NFIX: variants seen among roughly 807,000 people sequenced by gnomAD.
NFIX encodes nuclear factor 1 X-type.
Under a neutral mutation model 53.3 loss-of-function variants are expected in NFIX, and 2 were observed. The ratio of observed to expected loss-of-function variants is 0.04; its 90% CI spans 0.02 to 0.12. The LOEUF (loss-of-function observed/expected upper bound fraction) is 0.12, where lower values mean the gene tolerates loss of function less well. NFIX is among the 10% of genes least tolerant of loss of function. The pLI is 1.00. For missense variants in NFIX, 310 were observed against 674.5 expected (o/e 0.46, Z 5.99); for synonymous variants, 244 against 289.0 (o/e 0.84, Z 1.58).
rs1457965088 is a variant in NFIX at position 13,027,767 on chromosome 19, C to T, written c.559+2215C>T. 1.3e-5 allele frequency among the ~76,000 whole-genome samples: 2 copies of T among 152,204 alleles called. No individual in the cohort carries two copies. Among genetic ancestry groups the T allele is most frequent in the South Asian group, 2.1e-4 (1 of 4,828 alleles). ...CTCCCTGCCAGCTTAAGAGATCATT[C>T]GCCCAGGAATATGAGTGAATTCATA... On this transcript the variant is annotated intron_variant, in intron 2 of 10. Transcript: ENST00000592199. This position sits in a 1 kb window ranked among gnomAD's most constrained non-coding sequence, Gnocchi z 4.3.
intron 1 of NFIX, among the ~76,000 whole-genome samples, chr19:13,010,199 G>A (rs747933425): frequency 1.3e-5 from 2 of 152,226 alleles, no homozygotes; most frequent in East Asian, 1.9e-4. Flanking sequence ...CCTGCCGGGC[G>A]GGCGGCCGGC....
intron 5 of NFIX, 57 bp downstream of exon 5, chr19:13,074,083 CG>C: frequency 1.2e-6 from 2 of 1,605,488 alleles, no homozygotes; most frequent in South Asian, 1.1e-5. Flanking sequence ...GGGCCAGGGC[CG>C]TCCCAGTGGC....
At chr19:13,055,147 C>A (rs920369377) in intron 2 of NFIX, among the ~76,000 whole-genome samples, 2 of 151,982 alleles carry the variant, frequency 1.3e-5, no homozygotes, top group African/African-American at 4.8e-5. Context: ...GGCTGTCACC[C>A]CAAGAAAGCT....
chr19:13,032,423 G>A (rs78544495), intron 2 of NFIX, among the ~76,000 whole-genome samples: 4,192 of 152,312 alleles, frequency 0.028, 70 homozygotes, highest in Middle Eastern at 0.082. Flanking sequence ...TAGAGGAAAG[G>A]TCTGAGGTGT....
In NFIX at chr19:13,098,226, A is replaced by G. The variant is rs979384152; in HGVS notation, c.*3577A>G. The G allele has an allele frequency of 1.4e-5, 2 of 143,174 alleles. No homozygotes were observed. Among genetic ancestry groups the G allele is most frequent in the Non-Finnish European group, 3.1e-5 (2 of 65,570 alleles). 8.9% of individuals were successfully genotyped at this position (143,174 alleles called of 1,614,324 possible). On this transcript the variant is annotated 3_prime_UTR_variant, in exon 11 of 11. Transcript: ENST00000592199. ...AAGTCACGAGAACTTTCGTCCCCCAATCGAGAGCCCGAGGGGCACCCCAGC... is the reference window on the plus strand; with the variant it reads ...AAGTCACGAGAACTTTCGTCCCCCAGTCGAGAGCCCGAGGGGCACCCCAGC...
Position 13,025,671 on chromosome 19 carries a change from C to G in NFIX, c.559+119C>G. ...GCCATGGGCCTAACTGGTGTATGCC[C>G]GTCCTGCGGGGCCTGCAACACGGTT... On this transcript the variant is annotated intron_variant, in intron 2 of 10. Coordinates refer to ENST00000592199, the MANE Select transcript of NFIX (RefSeq NM_001365902.3). This position sits in a 1 kb window ranked among gnomAD's most constrained non-coding sequence, Gnocchi z 7.5. 8.5e-7 allele frequency: 1 copy of G among 1,179,820 alleles called. No homozygotes were observed. The highest frequency in any genetic ancestry group is 2.9e-4 in the Middle Eastern group (1 of 3,412). The allele number at this position is 1,179,820 out of a possible 1,614,324, so 73.1% of individuals were successfully genotyped here.
intron 2 of NFIX, among the ~76,000 whole-genome samples, chr19:13,058,240 A>T (rs922459977): frequency 1.3e-5 from 2 of 152,024 alleles, no homozygotes; most frequent in East Asian, 1.9e-4. Context: ...CTTTCCAGGG[A>T]TCTGTCCTCA....
chr19:13,025,619 G>T lies in NFIX; in HGVS notation c.559+67G>T, dbSNP rs993045610. On this transcript the variant is annotated intron_variant, in intron 2 of 10. Transcript: ENST00000592199. The surrounding 1 kb of genome is among the most constrained non-coding windows in gnomAD (Gnocchi z 7.5). ...CTTGCTGGCATTTGTTCTGTTTATT[G>T]TTCCTCTAATTTCCAAGCGATAACT... 4.5e-6 allele frequency: 7 copies of T among 1,547,642 alleles called. No individual in the cohort carries two copies. The highest frequency in any genetic ancestry group is 6.1e-6 in the Non-Finnish European group (7 of 1,146,834).
chr19:13,015,532 G>A (rs947437297), intron 1 of NFIX, among the ~76,000 whole-genome samples: 1 of 152,154 alleles, frequency 6.6e-6, no homozygotes, highest in Non-Finnish European at 1.5e-5. Context: ...CCCAGTGGGT[G>A]CCCATTCTCC....
At chr19:13,046,969 T>G (rs941634015) in intron 2 of NFIX, among the ~76,000 whole-genome samples, 4 of 152,134 alleles carry the variant, frequency 2.6e-5, no homozygotes, top group Admixed American at 6.5e-5. Flanking sequence ...GGGTTGGCTA[T>G]TCACAGAGGG....
intron 1 of NFIX, among the ~76,000 whole-genome samples, chr19:13,017,853 T>C (rs2012750364): frequency 6.6e-6 from 1 of 152,220 alleles, no homozygotes; most frequent in South Asian, 2.1e-4. Flanking sequence ...CCTGTGCAGT[T>C]CTTCCCTCTT....
chr19:13,077,370 G>T (rs951997211), intron 6 of NFIX, among the ~76,000 whole-genome samples: 1 of 152,016 alleles, frequency 6.6e-6, no homozygotes, highest in Non-Finnish European at 1.5e-5. Flanking sequence ...CCCTCACCCC[G>T]CTGTGTGTTG....
At chr19:13,061,022 G>A (rs2016042302) in intron 2 of NFIX, among the ~76,000 whole-genome samples, 1 of 152,100 alleles carries the variant, frequency 6.6e-6, no homozygotes, top group Non-Finnish European at 1.5e-5. Context: ...AGTCTGCACT[G>A]CCAAAAGGTG....
intron 2 of NFIX, among the ~76,000 whole-genome samples, chr19:13,057,379 C>T (rs766203415): frequency 1.3e-5 from 2 of 152,158 alleles, no homozygotes; most frequent in African/African-American, 2.4e-5. Context: ...GGGGAGGAGG[C>T]GGAAAGCCGA....
intron 1 of NFIX, chr19:13,024,334 T>A (rs1404389569): frequency 6.8e-6 from 2 of 296,104 alleles, no homozygotes; most frequent in Non-Finnish European, 1.0e-5. Context: ...TTGGTGTCGA[T>A]AACAAAGCTG....
chr19:13,025,154 G>A lies in NFIX; in HGVS notation c.161G>A (p.Arg54Gln), dbSNP rs1483937187. 6.2e-7 allele frequency: 1 copy of A among 1,614,226 alleles called. No individual in the cohort carries two copies. Among genetic ancestry groups the A allele is most frequent in the Non-Finnish European group, 8.5e-7 (1 of 1,180,038 alleles). The stretch of plus-strand genomic sequence containing the variant: ...AAGCGGATGTCGAAGGACGAGGAGC[G>A]GGCGGTGAAGGACGAGCTGCTGGGC... ...HEKRMSKDEE[R>Q]AVKDELLGEK... Residue 54 changes from arginine to glutamine, a missense_variant, in exon 2 of 11, where the codon CGG (arginine) becomes CAG (glutamine). Around this residue, in one of 5 missense-constraint regions of NFIX, gnomAD observed 64 missense variants for 144.5 expected, o/e 0.44. Transcript: ENST00000592199. This position sits in a 1 kb window ranked among gnomAD's most constrained non-coding sequence, Gnocchi z 7.5.
At chr19:13,024,879 GGGAGGGA>G in intron 1 of NFIX, 135 bp from the exon 2 acceptor site, 1 of 1,323,690 alleles carries the variant, frequency 7.6e-7, no homozygotes, top group Non-Finnish European at 1.0e-6. Context: ...AATTGTTGGG[GGGAGGGA>G]GGAGGAGGAG....
chr19:13,028,939 G>GA lies in NFIX; in HGVS notation c.559+3398dup, dbSNP rs371648003. Among the ~76,000 whole-genome samples, 44 of 146,994 alleles carry GA rather than the reference G, an allele frequency of 3.0e-4. No individual in the cohort carries two copies. The highest frequency in any genetic ancestry group is 7.1e-3 in the Middle Eastern group (2 of 280). On this transcript the variant is annotated intron_variant, in intron 2 of 10. Coordinates refer to ENST00000592199, the MANE Select transcript of NFIX (RefSeq NM_001365902.3). The surrounding 1 kb of genome is among the most constrained non-coding windows in gnomAD (Gnocchi z 4.2). ...ACACCTAAGCCTTGGTCCTAGGAAA[G>GA]AAAAAAAAAAATCCAAAGCTAACAA...
chr19:13,091,949 C>G (rs1238058259), intron 10 of NFIX, among the ~76,000 whole-genome samples: 1 of 152,198 alleles, frequency 6.6e-6, no homozygotes. Context: ...AAGTTTGTCT[C>G]CCCCCATGTT....
Sources: gnomAD v4.1 joint callset for allele counts (sites outside exome capture counted in the v4.1 genomes callset) on GRCh38, gnomAD v4.1.1 for gene constraint, gnomAD v4.1.1 regional missense constraint, Gnocchi (gnomAD v3.1) non-coding constraint, MANE v1.5 for transcripts, NCBI Gene and HGNC (gene_info 2026-07-23, HGNC 2026-07-21) for gene names.